PCDH15: variants seen among roughly 807,000 people sequenced by gnomAD.
PCDH15 encodes the protein protocadherin-15.
Under a neutral mutation model 178.5 loss-of-function variants are expected in PCDH15, and 129 were observed. The ratio of observed to expected loss-of-function variants is 0.72; its 90% confidence interval spans 0.63 to 0.84. The LOEUF (loss-of-function observed/expected upper bound fraction) is 0.84. Ranked by LOEUF, PCDH15 falls within the 40% of genes least tolerant of loss-of-function variation. PCDH15 has a pLI of 0.00. For missense variants in PCDH15, 2,230 were observed against 2,099.9 expected (o/e 1.06, Z -1.21); for synonymous variants, 800 against 732.0 (o/e 1.09, Z -1.50).
intron 37 of PCDH15, chr10:53,808,433 T>A: frequency 2.5e-6 from 3 of 1,206,008 alleles, no homozygotes; most frequent in Non-Finnish European, 3.1e-6. Flanking sequence ...CCAGTAAATA[T>A]TAAATATTGA....
intron 3 of PCDH15, among the ~76,000 whole-genome samples, chr10:54,835,582 A>G (rs183088214): frequency 2.4e-4 from 36 of 152,254 alleles, no homozygotes; most frequent in African/African-American, 8.4e-4. Flanking sequence ...CTTGATGCAC[A>G]TGGAAACCAA....
intron 2 of PCDH15, among the ~76,000 whole-genome samples, chr10:54,942,175 C>T (rs1454131559): frequency 6.6e-6 from 1 of 152,022 alleles, no homozygotes; most frequent in African/African-American, 2.4e-5. Context: ...ATAAATTCTG[C>T]TTCCTTGGGA....
At chr10:55,036,541 A>C (rs1215892142) in intron 2 of PCDH15, among the ~76,000 whole-genome samples, 1 of 151,934 alleles carries the variant, frequency 6.6e-6, no homozygotes, top group Non-Finnish European at 1.5e-5. Context: ...TCCCGCTCAC[A>C]TTTCAGCTCG....
chr10:55,277,693 C>T (rs1032462244), intron 1 of PCDH15, among the ~76,000 whole-genome samples: 1 of 151,940 alleles, frequency 6.6e-6, no homozygotes, highest in African/African-American at 2.4e-5. Context: ...CAGAGCTTGT[C>T]AGCTCTGAGA....
intron 1 of PCDH15, among the ~76,000 whole-genome samples, chr10:55,203,185 T>A (rs1456687579): frequency 6.6e-6 from 1 of 152,062 alleles, no homozygotes; most frequent in Non-Finnish European, 1.5e-5. Context: ...AACAGTGTCC[T>A]TTTTCAAAGG....
intron 2 of PCDH15, among the ~76,000 whole-genome samples, chr10:54,996,458 T>A (rs1256438547): frequency 3.9e-5 from 6 of 152,086 alleles, no homozygotes; most frequent in Non-Finnish European, 7.4e-5. Flanking sequence ...TGTTGCTCAG[T>A]ATGTGGATTG....
chr10:55,434,077 C>CTTTTCTTT (rs1838962636), intron 2 of PCDH15, among the ~76,000 whole-genome samples: 1 of 90,826 alleles, frequency 1.1e-5, no homozygotes, highest in Non-Finnish European at 2.0e-5. Flanking sequence ...CTTTTCTTTT[C>CTTTTCTTT]TTTTTTTTTT....
At chr10:54,497,336 C>T (rs1051549144) in intron 3 of PCDH15, among the ~76,000 whole-genome samples, 2 of 151,688 alleles carry the variant, frequency 1.3e-5, no homozygotes, top group Admixed American at 6.6e-5. Context: ...AGAACATTAG[C>T]CCCCACAGCT....
intron 2 of PCDH15, among the ~76,000 whole-genome samples, chr10:55,105,602 G>A (rs1591907163): frequency 6.6e-6 from 1 of 152,140 alleles, no homozygotes; most frequent in East Asian, 1.9e-4. Flanking sequence ...TCCATATGCA[G>A]GGTAGATGAA....
intron 1 of PCDH15, among the ~76,000 whole-genome samples, chr10:55,248,366 C>A (rs1449924541): frequency 6.6e-6 from 1 of 152,024 alleles, no homozygotes; most frequent in Non-Finnish European, 1.5e-5. Context: ...CATTTTGTAT[C>A]TGCCTTAGAA....
chr10:54,740,874 G>A lies in PCDH15; in HGVS notation c.-29+60051C>T, dbSNP rs1032766342. On this transcript the variant is annotated intron_variant, in intron 1 of 37. Transcript: ENST00000644397. ...TGGTTATCAGGGGCTGGCAAGGGTA[G>A]GGTAGAGGATGGATGAAGAAAGATT... is the stretch of plus-strand genomic sequence containing the variant. Among the ~76,000 whole-genome samples the A allele has an allele frequency of 3.3e-5, 5 of 152,000 alleles. No homozygotes were observed. In the South Asian group the frequency reaches 1.0e-3, roughly 32 times the overall value.
At chr10:54,595,680 C>A (rs79928776) in intron 2 of PCDH15, among the ~76,000 whole-genome samples, 2,662 of 152,152 alleles carry the variant, frequency 0.017, 78 homozygotes, top group African/African-American at 0.061. Context: ...GTTGAAACCA[C>A]ATCTAAGGAA....
At chr10:54,338,426 C>G (rs1490999256) in intron 6 of PCDH15, among the ~76,000 whole-genome samples, 3 of 152,116 alleles carry the variant, frequency 2.0e-5, no homozygotes, top group Non-Finnish European at 4.4e-5. Context: ...CATATATACA[C>G]ACACACAGAA....
At chr10:55,324,346 C>G (rs1843978367), upstream of PCDH15, among the ~76,000 whole-genome samples, 1 of 151,942 alleles carries the variant, frequency 6.6e-6, no homozygotes, top group Non-Finnish European at 1.5e-5. Flanking sequence ...TTAAGAGAAC[C>G]ATCTAACAAG....
At chr10:55,074,875 C>T (rs1841841793) in intron 2 of PCDH15, among the ~76,000 whole-genome samples, 1 of 152,090 alleles carries the variant, frequency 6.6e-6, no homozygotes, top group African/African-American at 2.4e-5. Context: ...TTTAATCCAT[C>T]TTGAGATAAT....
At chr10:54,764,589 T>A (rs1566169894) in intron 1 of PCDH15, among the ~76,000 whole-genome samples, 1 of 152,154 alleles carries the variant, frequency 6.6e-6, no homozygotes. Flanking sequence ...ATTAGAGAAC[T>A]ATTAAGCTGA....
chr10:55,378,868 A>G (rs1053417674), intron 2 of PCDH15, among the ~76,000 whole-genome samples: 1 of 93,302 alleles, frequency 1.1e-5, no homozygotes, highest in Non-Finnish European at 2.3e-5. Context: ...TCTTTGTGTA[A>G]CTCTCCCCAT....
intron 17 of PCDH15, among the ~76,000 whole-genome samples, chr10:54,067,913 C>T (rs2094167513): frequency 6.6e-6 from 1 of 152,028 alleles, no homozygotes. Flanking sequence ...TTGAGTGAAG[C>T]TGAAAAGGTT....
chr10:54,206,279 C>T (rs1464314373), intron 10 of PCDH15, among the ~76,000 whole-genome samples: 4 of 152,024 alleles, frequency 2.6e-5, no homozygotes, highest in Non-Finnish European at 4.4e-5. Context: ...AATAACCTTG[C>T]CACTCTGGGG....
Sources: gnomAD v4.1 joint callset for allele counts (sites outside exome capture counted in the v4.1 genomes callset) on GRCh38, gnomAD v4.1.1 for gene constraint, MANE v1.5 for transcripts, NCBI Gene and HGNC (gene_info 2026-07-23, HGNC 2026-07-21) for gene names.